The following KYAT1 variants were observed in gnomAD, a reference collection of about 807,000 sequenced individuals.
KYAT1 encodes the protein kynurenine aminotransferase 1.
KYAT1 carries 47 observed loss-of-function variants against 52.4 expected under a neutral mutation model. The ratio of observed to expected loss-of-function variants is 0.90; its 90% CI spans 0.71 to 1.14. The LOEUF (loss-of-function observed/expected upper bound fraction) is 1.14, where lower values mean the gene tolerates loss of function less well. Ranked by LOEUF, KYAT1 falls within the 50% of genes most tolerant of loss-of-function variation. The pLI is 0.00. For missense variants in KYAT1, 480 were observed against 557.9 expected, an observed-to-expected ratio of 0.86 and a Z score of 1.41; for synonymous variants, 212 against 209.6, an observed-to-expected ratio of 1.01 and a Z score of -0.10.
intron 1 of KYAT1, among the ~76,000 whole-genome samples, chr9:128,874,216 A>C (rs548550664): frequency 3.3e-5 from 5 of 149,316 alleles, no homozygotes; most frequent in African/African-American, 1.2e-4. Flanking sequence ...AGATCACGCC[A>C]CTGCGCTCCA....
At position 128,854,278 on chromosome 9, in the gene KYAT1, C is replaced by G. The variant is rs565958830; in HGVS notation, c.-6-8867G>C. Among the ~76,000 whole-genome samples, 7 of 150,388 alleles carry G rather than the reference C, an allele frequency of 4.7e-5. No homozygotes were observed. The South Asian group carries it at 1.5e-3, about 31-fold the overall frequency. On this transcript the variant is annotated intron_variant, in intron 1 of 12. Coordinates refer to ENST00000302586, the MANE Select transcript of KYAT1 (RefSeq NM_004059.5). ...ATGCAACTTAATCTAGCACTCTATA[C>G]TTTAAATTTTTTTAACATTTATAGA... is the stretch of plus-strand genomic sequence containing the variant.
intron 1 of KYAT1, among the ~76,000 whole-genome samples, chr9:128,862,667 T>C (rs1422108937): frequency 6.6e-6 from 1 of 152,184 alleles, no homozygotes; most frequent in Non-Finnish European, 1.5e-5. Context: ...GTCAAGAAGC[T>C]GGGTGGCACC....
In KYAT1 at chr9:128,838,427, T is replaced by A; in HGVS notation, c.202-60A>T. On this transcript the variant is annotated intron_variant, in intron 3 of 12. Transcript: ENST00000302586. ...GCCTGGGCCCATCCTCCGGCCCAGC[T>A]GTATCCAGGCAATTCTAGCACCTTC... The A allele has an allele frequency of 3.7e-6, 6 of 1,602,434 alleles. 1 individual carries two copies. In the South Asian group the frequency reaches 6.6e-5, roughly 18 times the overall value.
intron 1 of KYAT1, among the ~76,000 whole-genome samples, chr9:128,871,323 A>G (rs1821916291): frequency 6.6e-6 from 1 of 152,032 alleles, no homozygotes; most frequent in Non-Finnish European, 1.5e-5. Context: ...GTCTTAAAAC[A>G]AAACAAAACA....
intron 1 of KYAT1, among the ~76,000 whole-genome samples, chr9:128,881,161 A>C (rs997401077): frequency 2.0e-5 from 3 of 151,866 alleles, no homozygotes; most frequent in African/African-American, 7.3e-5. Flanking sequence ...GCTCACTGCA[A>C]GCTCCACCTC....
chr9:128,866,337 C>T (rs930687142), intron 1 of KYAT1, among the ~76,000 whole-genome samples: 1 of 152,184 alleles, frequency 6.6e-6, no homozygotes, highest in Non-Finnish European at 1.5e-5. Context: ...TGGTGGCTCA[C>T]GCCTGTAATC....
intron 1 of KYAT1, among the ~76,000 whole-genome samples, chr9:128,878,985 G>T (rs1838412694): frequency 6.6e-6 from 1 of 152,170 alleles, no homozygotes; most frequent in African/African-American, 2.4e-5. Context: ...CTGCAAGCTG[G>T]GGAATGAGGG....
chr9:128,878,025 G>A (rs904726552), intron 1 of KYAT1, among the ~76,000 whole-genome samples: 1 of 152,196 alleles, frequency 6.6e-6, no homozygotes, highest in Non-Finnish European at 1.5e-5. Context: ...ATGCCAGGCC[G>A]CAGCCTCTTG....
intron 1 of KYAT1, among the ~76,000 whole-genome samples, chr9:128,859,504 C>T (rs1835151488): frequency 6.6e-6 from 1 of 151,990 alleles, no homozygotes; most frequent in African/African-American, 2.4e-5. Flanking sequence ...CCCATCTCTA[C>T]TAAAAATACA....
intron 1 of KYAT1, chr9:128,860,144 A>G (rs375106500): frequency 6.6e-6 from 1 of 152,154 alleles, no homozygotes; most frequent in Admixed American, 6.5e-5. Flanking sequence ...AGACAGAGAC[A>G]GAAAGAGGAA....
In KYAT1 at chr9:128,838,353, C is replaced by G. The variant is rs772895649; in HGVS notation, c.216G>C (p.Leu72=). Residue 72 remains leucine (L), a synonymous_variant, in exon 4 of 13, where the codon CTG becomes CTC. Transcript: ENST00000302586. ...CAAAGAAACTTGCCAGGATCTTCGT[C>G]AGTGGTGGGTAACCCTGCCAGGACA... ...QYTKTFGYPP[L]TKILASFFGE... 1 of 1,614,168 alleles carries G rather than the reference C, an allele frequency of 6.2e-7. No homozygotes were observed. The highest frequency in any genetic ancestry group is 1.1e-5 in the South Asian group (1 of 91,086).
intron 6 of KYAT1, among the ~76,000 whole-genome samples, chr9:128,837,211 T>G (rs1217407441): frequency 6.6e-6 from 1 of 152,180 alleles, no homozygotes; most frequent in African/African-American, 2.4e-5. Context: ...GGAGAATTGC[T>G]TGAACCCAGG....
intron 1 of KYAT1, among the ~76,000 whole-genome samples, chr9:128,869,612 A>G (rs1836940878): frequency 6.6e-6 from 1 of 151,914 alleles, no homozygotes; most frequent in African/African-American, 2.4e-5. Context: ...GAAAATTTTT[A>G]TTGCAGAGAT....
chr9:128,851,164 CTTAT>C (rs1227820537), intron 1 of KYAT1, among the ~76,000 whole-genome samples: 1 of 152,132 alleles, frequency 6.6e-6, no homozygotes, highest in Non-Finnish European at 1.5e-5. Flanking sequence ...GTCTCTGTGT[CTTAT>C]TTCTTTTCTC....
upstream of KYAT1, chr9:128,882,446 C>T (rs1839096684): frequency 2.9e-6 from 1 of 349,632 alleles, no homozygotes; most frequent in South Asian, 1.5e-4. Context: ...GGGGCACCAC[C>T]TTCTCGCCGG....
chr9:128,873,228 G>T (rs1482345055), intron 1 of KYAT1, among the ~76,000 whole-genome samples: 1 of 151,292 alleles, frequency 6.6e-6, no homozygotes, highest in Admixed American at 6.6e-5. Flanking sequence ...TGTAGCCCAG[G>T]TGTGGTGGCT....
chr9:128,868,412 G>C (rs1204193992), intron 1 of KYAT1, among the ~76,000 whole-genome samples: 4 of 152,188 alleles, frequency 2.6e-5, no homozygotes, highest in African/African-American at 9.6e-5. Flanking sequence ...TGGTGAGACA[G>C]GGTCTCATTC....
chr9:128,881,307 T>A (rs1053950036), intron 1 of KYAT1, among the ~76,000 whole-genome samples: 3 of 152,072 alleles, frequency 2.0e-5, no homozygotes, highest in Non-Finnish European at 4.4e-5. Flanking sequence ...GGTCTCGATC[T>A]CCTGACCTCG....
At chr9:128,855,993 A>G (rs1834541246) in intron 1 of KYAT1, among the ~76,000 whole-genome samples, 1 of 152,150 alleles carries the variant, frequency 6.6e-6, no homozygotes, top group Non-Finnish European at 1.5e-5. Context: ...TCGTAGACAA[A>G]CTGTCATTTG....
Sources: allele counts gnomAD v4.1 joint callset (sites outside exome capture counted in the v4.1 genomes callset), GRCh38; gene constraint gnomAD v4.1.1; transcripts MANE v1.5; gene names NCBI Gene and HGNC (gene_info 2026-07-23, HGNC 2026-07-21).